Variants in SNTG1 observed in about 807,000 individuals in gnomAD.
SNTG1 encodes the protein gamma-1-syntrophin.
A neutral mutation model predicts 74.7 loss-of-function variants in SNTG1; 39 were observed. The ratio of observed to expected loss-of-function variants is 0.52; its 90% CI spans 0.40 to 0.68. The LOEUF is 0.68. Ranked by LOEUF, SNTG1 falls within the 30% of genes least tolerant of loss-of-function variation. The probability of loss-of-function intolerance (pLI) is 0.00; values close to 1 mark genes in which losing one functional copy is unlikely to be tolerated. For synonymous variants in SNTG1, 254 were observed against 217.1 expected, an observed-to-expected ratio of 1.17 and a Z score of -1.49; for missense variants, 685 against 609.5, an observed-to-expected ratio of 1.12 and a Z score of -1.30.
chr8:50,779,199 T>C (rs1284470587), intron 18 of SNTG1, among the ~76,000 whole-genome samples: 2 of 152,176 alleles, frequency 1.3e-5, no homozygotes, highest in African/African-American at 4.8e-5. Context: ...CTTTTTTGGT[T>C]CCATATGAAC....
intron 2 of SNTG1, among the ~76,000 whole-genome samples, chr8:50,326,353 C>T (rs1425442420): frequency 6.6e-6 from 1 of 151,938 alleles, no homozygotes; most frequent in African/African-American, 2.4e-5. Context: ...TTAATTATTG[C>T]TTCAATTTCT....
At position 50,472,569 on chromosome 8, in the gene SNTG1, C is replaced by T. The variant is rs183207085; in HGVS notation, c.363+21840C>T. Among the ~76,000 whole-genome samples the T allele has an allele frequency of 2.5e-3, 373 of 152,086 alleles. 4 individuals are homozygous for T. Among genetic ancestry groups the T allele is most frequent in the African/African-American group, 8.1e-3 (338 of 41,534 alleles). ...ATAAGACCTAAAAAAATACTAAACT[C>T]ATACAAGAAAACAGAGAAAAGCTTT... On this transcript the variant is annotated intron_variant, in intron 8 of 18. Coordinates refer to ENST00000642720, the MANE Select transcript of SNTG1 (RefSeq NM_018967.5).
At chr8:50,244,608 T>G (rs1026625781) in intron 2 of SNTG1, among the ~76,000 whole-genome samples, 1 of 152,166 alleles carries the variant, frequency 6.6e-6, no homozygotes, top group Non-Finnish European at 1.5e-5. Flanking sequence ...GGACTCTGGT[T>G]ACTTTAAATT....
At position 50,593,978 on chromosome 8, in the gene SNTG1, G is replaced by A. The variant is rs370953802; in HGVS notation, c.849+3061G>A. ...AGTGATCTGCCTGCCTTGGCCTCCCGAAGTGCTGGGATTACAGGCATGAGC... is the reference window on the plus strand; with the variant it reads ...AGTGATCTGCCTGCCTTGGCCTCCCAAAGTGCTGGGATTACAGGCATGAGC... On this transcript the variant is annotated intron_variant, in intron 13 of 18. Coordinates refer to ENST00000642720, the MANE Select transcript of SNTG1 (RefSeq NM_018967.5). Among the ~76,000 whole-genome samples the A allele has an allele frequency of 3.9e-4, 59 of 152,090 alleles. 1 individual carries two copies. In the South Asian group the frequency reaches 7.3e-3, roughly 19 times the overall value.
chr8:50,792,080 A>AT (rs33919155), intron 18 of SNTG1, among the ~76,000 whole-genome samples: 3,916 of 143,026 alleles, frequency 0.027, 69 homozygotes, highest in African/African-American at 0.056. Context: ...GCTCTAGTTT[A>AT]TTTTTTTTTT....
intron 1 of SNTG1, among the ~76,000 whole-genome samples, chr8:50,018,821 C>T (rs922613661): frequency 1.6e-4 from 24 of 151,948 alleles, no homozygotes; most frequent in African/African-American, 5.8e-4. Context: ...AACAAAGAAA[C>T]AAAAAATAAC....
At chr8:50,363,047 G>C (rs751125729) in intron 2 of SNTG1, among the ~76,000 whole-genome samples, 1 of 152,026 alleles carries the variant, frequency 6.6e-6, no homozygotes. Flanking sequence ...TTAAAAAAAA[G>C]AAAGAAATTC....
intron 2 of SNTG1, among the ~76,000 whole-genome samples, chr8:50,212,628 CT>C (rs2084575278): frequency 6.6e-6 from 1 of 152,074 alleles, no homozygotes; most frequent in Non-Finnish European, 1.5e-5. Context: ...TTCTGTTTTC[CT>C]ATTACAACGG....
At chr8:50,688,103 G>A (rs1438517119) in intron 15 of SNTG1, among the ~76,000 whole-genome samples, 1 of 152,048 alleles carries the variant, frequency 6.6e-6, no homozygotes, top group Non-Finnish European at 1.5e-5. Flanking sequence ...TGATGGGGTT[G>A]TTTGTTTTTT....
At position 50,525,685 on chromosome 8, in the gene SNTG1, C is replaced by T. The variant is rs1427934425; in HGVS notation, c.467-4492C>T. Among the ~76,000 whole-genome samples the T allele has an allele frequency of 2.0e-5, 3 of 152,002 alleles. No homozygotes were observed. The East Asian group carries it at 5.8e-4, about 29-fold the overall frequency. Reference sequence around the variant, plus strand: ...ACTTCATTATTGTATTCTTCATCTTCAGAATTTCTGTGTGGGTTTCTTGTC... The same window carrying T: ...ACTTCATTATTGTATTCTTCATCTTTAGAATTTCTGTGTGGGTTTCTTGTC... On this transcript the variant is annotated intron_variant, in intron 9 of 18. Coordinates refer to ENST00000642720, the MANE Select transcript of SNTG1 (RefSeq NM_018967.5).
chr8:49,946,492 T>C (rs1005692445), intron 1 of SNTG1, among the ~76,000 whole-genome samples: 2 of 152,226 alleles, frequency 1.3e-5, no homozygotes, highest in African/African-American at 4.8e-5. Context: ...ACATTTTAAA[T>C]ATTTGAAAGG....
intron 17 of SNTG1, among the ~76,000 whole-genome samples, chr8:50,719,909 G>T (rs1355459763): frequency 1.3e-5 from 2 of 152,068 alleles, no homozygotes; most frequent in African/African-American, 4.8e-5. Context: ...GTGAAGACCT[G>T]TATACTCCTC....
chr8:50,403,678 G>C (rs79165689), intron 4 of SNTG1, among the ~76,000 whole-genome samples: 7,005 of 152,234 alleles, frequency 0.046, 211 homozygotes, highest in Middle Eastern at 0.071. Flanking sequence ...ATAAAGCTCA[G>C]AGTGCTAGGA....
intron 2 of SNTG1, among the ~76,000 whole-genome samples, chr8:50,250,085 C>A (rs556450692): frequency 6.7e-6 from 1 of 150,252 alleles, no homozygotes; most frequent in South Asian, 2.1e-4. Context: ...ATCAGGAAAA[C>A]AATTATGATA....
chr8:50,612,934 G>A (rs2094860888), intron 13 of SNTG1, among the ~76,000 whole-genome samples: 1 of 152,028 alleles, frequency 6.6e-6, no homozygotes, highest in Non-Finnish European at 1.5e-5. Flanking sequence ...CAATTCTTCG[G>A]TGGTTAAAGA....
chr8:50,536,887 A>G, intron 11 of SNTG1, 79 bp downstream of exon 11: 1 of 1,497,908 alleles, frequency 6.7e-7, no homozygotes, highest in South Asian at 1.3e-5. Flanking sequence ...ACATATCACA[A>G]TACGCCTTAT....
chr8:50,139,067 G>T (rs918757565), intron 1 of SNTG1, among the ~76,000 whole-genome samples: 4 of 152,088 alleles, frequency 2.6e-5, no homozygotes, highest in African/African-American at 9.7e-5. Context: ...CATTTGTAAT[G>T]TGTATATTTG....
chr8:49,925,937 C>T (rs1806982755), intron 1 of SNTG1, among the ~76,000 whole-genome samples: 1 of 152,088 alleles, frequency 6.6e-6, no homozygotes, highest in African/African-American at 2.4e-5. Flanking sequence ...ACTGGAATAT[C>T]TCCCTATGAG....
At chr8:50,221,761 G>T (rs2085081748) in intron 2 of SNTG1, among the ~76,000 whole-genome samples, 1 of 152,140 alleles carries the variant, frequency 6.6e-6, no homozygotes, top group African/African-American at 2.4e-5. Flanking sequence ...GGGCATATCA[G>T]GGAAATTAGC....
Sources: allele counts gnomAD v4.1 joint callset (sites outside exome capture counted in the v4.1 genomes callset), GRCh38; gene constraint gnomAD v4.1.1; transcripts MANE v1.5; gene names NCBI Gene and HGNC (gene_info 2026-07-23, HGNC 2026-07-21).